The following LAMA3 variants were observed in gnomAD, a reference collection of about 807,000 sequenced individuals.
LAMA3 encodes laminin subunit alpha-3.
Under a neutral mutation model 402.0 loss-of-function variants are expected in LAMA3, and 281 were observed. That is an observed-to-expected ratio of 0.70 (90% confidence interval 0.63 to 0.77). LAMA3 has a LOEUF of 0.77. Ranked by LOEUF, LAMA3 falls within the 30% of genes least tolerant of loss-of-function variation. LAMA3 has a pLI of 0.00. For missense variants in LAMA3, 3,840 were observed against 4,215.5 expected (o/e 0.91, Z 2.47); for synonymous variants, 1,431 against 1,558.4 (o/e 0.92, Z 1.93).
intron 30 of LAMA3, 150 bp from the exon 31 acceptor site, chr18:23,846,147 A>G: frequency 1.2e-6 from 1 of 822,522 alleles, no homozygotes; most frequent in Non-Finnish European, 2.1e-6. Flanking sequence ...GCTGAGTCTG[A>G]GGTGGGGTAT....
intron 1 of LAMA3, among the ~76,000 whole-genome samples, chr18:23,704,836 A>G (rs2060856016): frequency 9.3e-6 from 1 of 107,112 alleles, no homozygotes; most frequent in African/African-American, 2.9e-5. Context: ...TAGTATTTAC[A>G]TTGTGAATTC....
Position 23,951,793 on chromosome 18 carries a change from G to C in LAMA3, c.9736+16G>C, listed in dbSNP as rs747991667. Reference sequence around the variant, plus strand: ...TCGGTGGCAGGTATGTTGTCCAGTAGCTGATTGTTCATGCACTAAAACAGG... The same window carrying C: ...TCGGTGGCAGGTATGTTGTCCAGTACCTGATTGTTCATGCACTAAAACAGG... On this transcript the variant is annotated intron_variant, in intron 73 of 74. Coordinates refer to ENST00000313654, the MANE Select transcript of LAMA3 (RefSeq NM_198129.4). The C allele has an allele frequency of 6.3e-7, 1 of 1,593,678 alleles. No individual in the cohort carries two copies. Among genetic ancestry groups the C allele is most frequent in the Non-Finnish European group, 8.6e-7 (1 of 1,161,852 alleles).
chr18:23,747,249 C>T (rs2061668288), intron 2 of LAMA3, among the ~76,000 whole-genome samples: 1 of 152,108 alleles, frequency 6.6e-6, no homozygotes, highest in Non-Finnish European at 1.5e-5. Flanking sequence ...TGGGAATAAA[C>T]TGCAAAGGCT....
chr18:23,791,336 C>G (rs1376854825), intron 12 of LAMA3, among the ~76,000 whole-genome samples: 1 of 152,168 alleles, frequency 6.6e-6, no homozygotes, highest in Non-Finnish European at 1.5e-5. Flanking sequence ...GAAATGTAAG[C>G]AGCAGATACA....
intron 53 of LAMA3, 30 bp from the exon 54 acceptor site, chr18:23,907,726 C>T (rs759771076): frequency 6.2e-7 from 1 of 1,613,540 alleles, no homozygotes; most frequent in Admixed American, 1.7e-5. Context: ...GTTTTAGATA[C>T]TTATACCTCC....
At chr18:23,752,263 T>C (rs2061765218) in intron 5 of LAMA3, among the ~76,000 whole-genome samples, 1 of 152,154 alleles carries the variant, frequency 6.6e-6, no homozygotes, top group African/African-American at 2.4e-5. Context: ...GGGCTGTGTT[T>C]CTGTTCCTCC....
chr18:23,796,019 T>C (rs1194217162), intron 12 of LAMA3: 2 of 418,678 alleles, frequency 4.8e-6, no homozygotes, highest in Non-Finnish European at 9.4e-6. Flanking sequence ...CTCTACCATG[T>C]GAGGACCCAG....
At chr18:23,899,533 T>C in intron 47 of LAMA3, 78 bp downstream of exon 47, 2 of 1,409,714 alleles carry the variant, frequency 1.4e-6, no homozygotes, top group Non-Finnish European at 2.0e-6. Flanking sequence ...CAATGTAGAG[T>C]TCCCCGTTAT....
At chr18:23,780,247 A>G (rs990057477) in intron 11 of LAMA3, among the ~76,000 whole-genome samples, 2 of 151,902 alleles carry the variant, frequency 1.3e-5, no homozygotes, top group South Asian at 4.2e-4. Context: ...TCTGAGACAG[A>G]AAGGTCAACA....
intron 55 of LAMA3, among the ~76,000 whole-genome samples, chr18:23,910,384 G>A (rs1283009346): frequency 6.6e-6 from 1 of 152,160 alleles, no homozygotes; most frequent in African/African-American, 2.4e-5. Context: ...ACAGTGCCTG[G>A]CAAATAGTAG....
intron 67 of LAMA3, among the ~76,000 whole-genome samples, chr18:23,937,865 T>TA (rs1315572017): frequency 2.0e-5 from 3 of 152,202 alleles, no homozygotes; most frequent in Non-Finnish European, 2.9e-5. Flanking sequence ...TTCTGAGCAC[T>TA]ATATCCAGGA....
At position 23,914,820 on chromosome 18, in the gene LAMA3, ATGT is replaced by A; in HGVS notation, c.7608_7610del (p.Val2537del). 6.2e-7 allele frequency: 1 copy of A among 1,613,354 alleles called. No homozygotes were observed. The highest frequency in any genetic ancestry group is 2.2e-5 in the East Asian group (1 of 44,870). ...ACACTCCTTAATTTGGATCCTGAAA[ATGT>A]TGTATTTTATGTTGGAGGTTACCCA... On this transcript the variant is annotated inframe_deletion, in exon 58 of 75. Transcript: ENST00000313654.
chr18:23,771,140 C>G (rs904466147), intron 8 of LAMA3, among the ~76,000 whole-genome samples: 2 of 152,212 alleles, frequency 1.3e-5, no homozygotes, highest in African/African-American at 4.8e-5. Flanking sequence ...ATACCCCCAA[C>G]TAGAAATAGC....
At chr18:23,749,319 T>C in intron 3 of LAMA3, 109 bp from the exon 4 acceptor site, 1 of 675,472 alleles carries the variant, frequency 1.5e-6, no homozygotes, top group South Asian at 1.9e-5. Flanking sequence ...AATGCCTTTC[T>C]GTTTTTTCTT....
chr18:23,728,719 A>T (rs1443653989), intron 2 of LAMA3, among the ~76,000 whole-genome samples: 1 of 151,996 alleles, frequency 6.6e-6, no homozygotes, highest in African/African-American at 2.4e-5. Flanking sequence ...AAAGCTCTCC[A>T]GTTGTCATCT....
At chr18:23,852,162 A>T (rs1264875427) in intron 32 of LAMA3, among the ~76,000 whole-genome samples, 1 of 152,164 alleles carries the variant, frequency 6.6e-6, no homozygotes, top group Non-Finnish European at 1.5e-5. Context: ...GATGATATTG[A>T]TGCTTTCCTA....
intron 44 of LAMA3, 35 bp from the exon 45 acceptor site, chr18:23,898,703 C>A: frequency 8.7e-7 from 1 of 1,150,786 alleles, no homozygotes; most frequent in Non-Finnish European, 1.3e-6. Flanking sequence ...AGTCTTTATA[C>A]TGTAAAGTGA....
At chr18:23,730,500 C>T (rs1184756778) in intron 2 of LAMA3, among the ~76,000 whole-genome samples, 3 of 151,508 alleles carry the variant, frequency 2.0e-5, no homozygotes, top group South Asian at 2.1e-4. Flanking sequence ...CCTGAGTAGC[C>T]GGGATTACAG....
intron 25 of LAMA3, among the ~76,000 whole-genome samples, chr18:23,838,477 G>A (rs1389494601): frequency 1.3e-5 from 2 of 152,148 alleles, no homozygotes; most frequent in African/African-American, 2.4e-5. Context: ...AAAAAAACAG[G>A]CACTGGAAGT....
Sources: gnomAD v4.1 joint callset for allele counts (sites outside exome capture counted in the v4.1 genomes callset) on GRCh38, gnomAD v4.1.1 for gene constraint, MANE v1.5 for transcripts, NCBI Gene and HGNC (gene_info 2026-07-23, HGNC 2026-07-21) for gene names.